The following ADAM22 variants were observed in gnomAD, a reference collection of about 807,000 sequenced individuals.
ADAM22 encodes the protein disintegrin and metalloproteinase domain-containing protein 22.
ADAM22 carries 65 observed loss-of-function variants against 144.6 expected under a neutral mutation model. The ratio of observed to expected loss-of-function variants is 0.45; its 90% CI spans 0.37 to 0.55. ADAM22 has a LOEUF of 0.55. Ranked by LOEUF, ADAM22 falls within the 20% of genes least tolerant of loss-of-function variation. The pLI is 0.00. For synonymous variants in ADAM22, 391 were observed against 412.6 expected (o/e 0.95, Z 0.63); for missense variants, 974 against 1,184.9 (o/e 0.82, Z 2.61).
rs1584853209 is a variant in ADAM22 at position 87,988,658 on chromosome 7, T to A, written c.323+10246T>A. 3.9e-5 allele frequency among the ~76,000 whole-genome samples: 6 copies of A among 152,346 alleles called. No homozygotes were observed. The South Asian group carries it at 1.0e-3, about 26-fold the overall frequency. ...CTTCTTAACTTCAGTGTTATCCAAT[T>A]CAAAATTATTGGAGAGATGGGGCCT... On this transcript the variant is annotated intron_variant, in intron 3 of 31. Coordinates refer to ENST00000413139, the MANE Select transcript of ADAM22 (RefSeq NM_001324418.2).
At chr7:88,134,283 G>T in intron 12 of ADAM22, 46 bp from the exon 13 acceptor site, 1 of 1,421,496 alleles carries the variant, frequency 7.0e-7, no homozygotes. Flanking sequence ...CTTTGTCAGT[G>T]ACAATTTGGA....
chr7:87,934,926 C>A, intron 1 of ADAM22, 100 bp from the exon 2 acceptor site: 2 of 1,530,000 alleles, frequency 1.3e-6, no homozygotes, highest in Non-Finnish European at 1.8e-6. Flanking sequence ...TGGGGATTTT[C>A]GTAGGGGAGA....
chr7:87,967,469 A>G (rs560301902), intron 2 of ADAM22, among the ~76,000 whole-genome samples: 6 of 152,104 alleles, frequency 3.9e-5, no homozygotes, highest in Non-Finnish European at 7.4e-5. Context: ...AAAGAATAAA[A>G]ATACCATGGG....
intron 4 of ADAM22, among the ~76,000 whole-genome samples, chr7:88,106,499 G>A (rs1344186179): frequency 6.6e-6 from 1 of 152,124 alleles, no homozygotes; most frequent in Non-Finnish European, 1.5e-5. Context: ...GTGAAACACT[G>A]AACATTTTAA....
At chr7:88,007,183 A>C (rs1261376467) in intron 3 of ADAM22, among the ~76,000 whole-genome samples, 1 of 152,212 alleles carries the variant, frequency 6.6e-6, no homozygotes, top group African/African-American at 2.4e-5. Context: ...TAGGAATCCA[A>C]CTTACAAGGG....
chr7:87,967,952 C>T (rs1397583383), intron 2 of ADAM22, among the ~76,000 whole-genome samples: 1 of 151,824 alleles, frequency 6.6e-6, no homozygotes, highest in African/African-American at 2.4e-5. Context: ...CTTTCTCTTA[C>T]TCATTCCCTC....
chr7:88,130,627 T>C (rs1489889217), intron 10 of ADAM22, among the ~76,000 whole-genome samples, 168 bp downstream of exon 10: 1 of 152,156 alleles, frequency 6.6e-6, no homozygotes, highest in Non-Finnish European at 1.5e-5. Context: ...CTTTGATGTC[T>C]GGCTGGGAAG....
intron 30 of ADAM22, among the ~76,000 whole-genome samples, chr7:88,191,079 A>G (rs1427127270): frequency 2.0e-5 from 3 of 152,218 alleles, no homozygotes; most frequent in Admixed American, 1.3e-4. Context: ...TCTTCCCCTC[A>G]AGGTCCAAGG....
intron 17 of ADAM22, among the ~76,000 whole-genome samples, chr7:88,148,038 T>TAA (rs561545972): frequency 6.6e-6 from 1 of 151,188 alleles, no homozygotes; most frequent in South Asian, 2.1e-4. Flanking sequence ...TTGGGTCTTC[T>TAA]AAAAAAAAAT....
At chr7:88,073,227 A>C (rs1309187217) in intron 3 of ADAM22, among the ~76,000 whole-genome samples, 3 of 152,226 alleles carry the variant, frequency 2.0e-5, no homozygotes, top group African/African-American at 7.2e-5. Context: ...ATGAATGCTA[A>C]GAGCTATTTT....
intron 3 of ADAM22, among the ~76,000 whole-genome samples, chr7:87,979,892 T>G (rs1278457751): frequency 1.3e-5 from 2 of 152,194 alleles, no homozygotes; most frequent in Non-Finnish European, 2.9e-5. Flanking sequence ...GTCTCTATTT[T>G]AATAACTCCC....
chr7:88,113,702 A>ATATATATATATATATAT (rs59803488), intron 5 of ADAM22, among the ~76,000 whole-genome samples: 1 of 72,964 alleles, frequency 1.4e-5, no homozygotes, highest in African/African-American at 6.9e-5. Flanking sequence ...ATAAATAAAT[A>ATATATATATATATATAT]AATATATATA....
At chr7:88,175,565 T>A (rs1448674951) in intron 26 of ADAM22, among the ~76,000 whole-genome samples, 1 of 152,204 alleles carries the variant, frequency 6.6e-6, no homozygotes, top group Non-Finnish European at 1.5e-5. Flanking sequence ...TTATTATATT[T>A]TGGCTATTGT....
intron 27 of ADAM22, among the ~76,000 whole-genome samples, chr7:88,180,416 A>C (rs563254104): frequency 1.4e-4 from 21 of 152,176 alleles, no homozygotes; most frequent in South Asian, 4.1e-4. Flanking sequence ...ACAAAATATG[A>C]GTCATTCTGT....
chr7:88,114,640 C>T lies in ADAM22; in HGVS notation c.530C>T (p.Thr177Ile), dbSNP rs1563248521. 4 of 1,613,854 alleles carry T rather than the reference C, an allele frequency of 2.5e-6. No individual in the cohort carries two copies. The highest frequency in any genetic ancestry group is 1.1e-5 in the South Asian group (1 of 91,062). Reference protein sequence around the residue: ...TYLIEPEENDTTQEDFHFHSV... With the variant: ...TYLIEPEENDITQEDFHFHSV... ...CTCATTGAGCCAGAAGAAAATGACACTACTCAAGTAAGTGCTCCTTCTGTT... is the reference window on the plus strand; with the variant it reads ...CTCATTGAGCCAGAAGAAAATGACATTACTCAAGTAAGTGCTCCTTCTGTT... The change falls in exon 6 of 32, where the codon ACT (threonine) becomes ATT (isoleucine). Residue 177 changes from threonine to isoleucine, a missense_variant. Physicochemically the swap from Thr to Ile is moderately conservative, Grantham distance 89 (BLOSUM62 -1). Transcript: ENST00000413139.
rs1407462873 is a variant in ADAM22 at position 87,959,692 on chromosome 7, A to C, written c.247-18644A>C. On this transcript the variant is annotated intron_variant, in intron 2 of 31. Transcript: ENST00000413139. Reference sequence around the variant, plus strand: ...ATCAAAAGGAACAGACAGGTGATCTAGAAGAAAGGGCTTCTAAAATTTTAT... The same window carrying C: ...ATCAAAAGGAACAGACAGGTGATCTCGAAGAAAGGGCTTCTAAAATTTTAT... Among the ~76,000 whole-genome samples, 6 of 152,216 alleles carry C rather than the reference A, an allele frequency of 3.9e-5. No individual in the cohort carries two copies. In the East Asian group the frequency reaches 1.2e-3, roughly 29 times the overall value.
At chr7:88,088,519 A>AAG (rs1038623141) in intron 4 of ADAM22, among the ~76,000 whole-genome samples, 1 of 151,852 alleles carries the variant, frequency 6.6e-6, no homozygotes. Context: ...GGAAAAAAAA[A>AAG]AAAACACTAG....
intron 21 of ADAM22, 34 bp from the exon 22 acceptor site, chr7:88,155,853 G>T: frequency 6.2e-7 from 1 of 1,606,140 alleles, no homozygotes; most frequent in South Asian, 1.1e-5. Flanking sequence ...CTATATATTT[G>T]GGAAAAGAAG....
At chr7:88,186,414 C>T (rs1403268714) in intron 29 of ADAM22, 2 of 576,728 alleles carry the variant, frequency 3.5e-6, no homozygotes, top group Non-Finnish European at 6.2e-6. Flanking sequence ...TGTAGAATGC[C>T]TTGATTGAGC....
Sources: gnomAD v4.1 joint callset for allele counts (sites outside exome capture counted in the v4.1 genomes callset) on GRCh38, gnomAD v4.1.1 for gene constraint, MANE v1.5 for transcripts, NCBI Gene and HGNC (gene_info 2026-07-23, HGNC 2026-07-21) for gene names.